ZC3H7B: variants seen among roughly 807,000 people sequenced by gnomAD.
ZC3H7B encodes zinc finger CCCH domain-containing protein 7B.
A neutral mutation model predicts 116.0 loss-of-function variants in ZC3H7B; 35 were observed. That is an observed-to-expected ratio of 0.30 (90% CI 0.23 to 0.40). ZC3H7B has a LOEUF of 0.40. Ranked by LOEUF, ZC3H7B falls within the 10% of genes least tolerant of loss-of-function variation. ZC3H7B has a pLI of 1.00. For synonymous variants in ZC3H7B, 502 were observed against 545.6 expected (o/e 0.92, Z 1.11); for missense variants, 1,011 against 1,321.5 (o/e 0.77, Z 3.64).
rs2036333117 is a variant in ZC3H7B, at chr22:41,327,418, C to T, written c.444+54C>T. On this transcript the variant is annotated intron_variant, in intron 5 of 22. Coordinates refer to ENST00000352645, the MANE Select transcript of ZC3H7B (RefSeq NM_017590.6). The surrounding 1 kb of genome is among the most constrained non-coding windows in gnomAD (Gnocchi z 4.5). ...GCCTGCTCAGAGGCCAGGCTTCTGACCTTCCGGCCCTCACTTGGGCCCAGC... is the reference window on the plus strand; with the variant it reads ...GCCTGCTCAGAGGCCAGGCTTCTGATCTTCCGGCCCTCACTTGGGCCCAGC... 1 of 1,582,328 alleles carries T rather than the reference C, an allele frequency of 6.3e-7. No homozygotes were observed. Among genetic ancestry groups the T allele is most frequent in the Non-Finnish European group, 8.6e-7 (1 of 1,168,394 alleles).
intron 1 of ZC3H7B, among the ~76,000 whole-genome samples, chr22:41,318,432 G>A (rs1345708136): frequency 6.6e-6 from 1 of 151,516 alleles, no homozygotes; most frequent in Non-Finnish European, 1.5e-5. Context: ...GGGAGGCTGA[G>A]GCAGGAGAAT....
Position 41,340,138 on chromosome 22 carries a change from G to A in ZC3H7B, c.1138+1G>A. On this transcript the variant is annotated splice_donor_variant, in intron 10 of 22. Transcript: ENST00000352645. LOFTEE classifies it high-confidence loss of function. ...CTGGACAAACCTGACTCCTTCATGG[G>A]TAAGGCCATGGGTGGGCCCGTTCAA... The A allele has an allele frequency of 6.3e-7, 1 of 1,597,710 alleles. No homozygotes were observed. The highest frequency in any genetic ancestry group is 8.5e-7 in the Non-Finnish European group (1 of 1,171,256).
chr22:41,306,795 A>G (rs1362443603), intron 1 of ZC3H7B, among the ~76,000 whole-genome samples: 1 of 152,138 alleles, frequency 6.6e-6, no homozygotes, highest in African/African-American at 2.4e-5. Context: ...GAGCCAACCC[A>G]GGATGTCTGG....
chr22:41,312,159 A>G (rs1246152515), intron 1 of ZC3H7B, among the ~76,000 whole-genome samples: 1 of 147,568 alleles, frequency 6.8e-6, no homozygotes, highest in Non-Finnish European at 1.5e-5. Flanking sequence ...TCCGTCTCAA[A>G]AAAAAAAAAA....
chr22:41,321,504 C>T (rs1342957293), intron 2 of ZC3H7B, among the ~76,000 whole-genome samples: 2 of 151,622 alleles, frequency 1.3e-5, no homozygotes, highest in African/African-American at 4.8e-5. Flanking sequence ...CGTGAGCCAC[C>T]GCACTAGGCC....
chr22:41,320,204 GCTC>G (rs1013355516), intron 1 of ZC3H7B, among the ~76,000 whole-genome samples: 2 of 150,666 alleles, frequency 1.3e-5, no homozygotes, highest in Non-Finnish European at 3.0e-5. Flanking sequence ...ATGATGGTGG[GCTC>G]CTGTAATCCC....
At chr22:41,331,223 T>G (rs1326859100) in intron 6 of ZC3H7B, among the ~76,000 whole-genome samples, 1 of 144,768 alleles carries the variant, frequency 6.9e-6, no homozygotes, top group Non-Finnish European at 1.5e-5. Context: ...CACTCCAGCC[T>G]GGGCAACGAG....
chr22:41,355,513 G>A lies in ZC3H7B; in HGVS notation c.2079G>A (p.Met693Ile). Residue 693 changes from methionine to isoleucine, a missense_variant, in exon 18 of 23, where the codon ATG becomes ATA. Physicochemically the swap from Met to Ile is conservative, Grantham distance 10. Around this residue, in one of 5 missense-constraint regions of ZC3H7B, gnomAD observed 406 missense variants for 590.2 expected, o/e 0.69. Transcript: ENST00000352645. Reference protein sequence around the residue: ...THGPSTFDLQMKFVCGQCWRN... With the variant: ...THGPSTFDLQIKFVCGQCWRN... ...GGCCCAGCACCTTTGACCTGCAGAT[G>A]AAGTTTGTATGTGGCCAGTGCTGGA... The A allele has an allele frequency of 3.7e-6, 6 of 1,614,182 alleles. No homozygotes were observed. The highest frequency in any genetic ancestry group is 5.1e-6 in the Non-Finnish European group (6 of 1,180,026).
intron 2 of ZC3H7B, among the ~76,000 whole-genome samples, chr22:41,321,227 T>G (rs1413695645): frequency 6.6e-6 from 1 of 151,306 alleles, no homozygotes; most frequent in Non-Finnish European, 1.5e-5. Context: ...TTTTTTTTTT[T>G]TTTTTTGAGA....
rs1047708284 is a variant in ZC3H7B at position 41,351,003 on chromosome 22, C to T, written c.1949-558C>T. On this transcript the variant is annotated intron_variant, in intron 16 of 22. Coordinates refer to ENST00000352645, the MANE Select transcript of ZC3H7B (RefSeq NM_017590.6). The surrounding 1 kb of genome is among the most constrained non-coding windows in gnomAD (Gnocchi z 5.1). ...GAGTTGTGAGCTGGATCTCCAAGGT[C>T]GGGCTCAGTGGCAACAGTCTGAGGC... 6.6e-6 allele frequency among the ~76,000 whole-genome samples: 1 copy of T among 152,186 alleles called. No homozygotes were observed. Among genetic ancestry groups the T allele is most frequent in the African/African-American group, 2.4e-5 (1 of 41,450 alleles).
intron 14 of ZC3H7B, 37 bp from the exon 15 acceptor site, chr22:41,348,030 G>T (rs1164901932): frequency 6.3e-7 from 1 of 1,590,008 alleles, no homozygotes; most frequent in Admixed American, 1.7e-5. Context: ...TTCCCAGGTG[G>T]CCATGCCAGG....
chr22:41,348,418 T>A (rs2036615870), intron 15 of ZC3H7B, among the ~76,000 whole-genome samples: 1 of 152,254 alleles, frequency 6.6e-6, no homozygotes. Flanking sequence ...GAGGAGTTAC[T>A]GGCCCTGTTG....
At chr22:41,325,531 T>C in intron 2 of ZC3H7B, 33 bp from the exon 3 acceptor site, 1 of 1,600,390 alleles carries the variant, frequency 6.2e-7, no homozygotes, top group Non-Finnish European at 8.5e-7. Flanking sequence ...ACCGCCGGGC[T>C]CACCCAGGCC....
Position 41,349,127 on chromosome 22 carries a change from G to T in ZC3H7B, c.1774G>T (p.Val592Leu). ...KHSFYNNKCL[V>L]HIVRSTSLKY... ...TGCCTGCCCGCCCGCCAGGTGCCTG[G>T]TGCACATCGTCCGCTCCACCTCCCT... The change falls in exon 16 of 23, where the codon GTG becomes TTG. Residue 592 changes from valine (V) to leucine (L), a missense_variant. By Grantham distance (32) the Val-to-Leu change is conservative. Around this residue, in one of 5 missense-constraint regions of ZC3H7B, gnomAD observed 406 missense variants for 590.2 expected, o/e 0.69. Coordinates refer to ENST00000352645, the MANE Select transcript of ZC3H7B (RefSeq NM_017590.6). This position sits in a 1 kb window ranked among gnomAD's most constrained non-coding sequence, Gnocchi z 4.9. 6.2e-7 allele frequency: 1 copy of T among 1,613,578 alleles called. No individual in the cohort carries two copies. The highest frequency in any genetic ancestry group is 1.1e-5 in the South Asian group (1 of 91,082).
chr22:41,302,900 G>A lies in ZC3H7B; in HGVS notation c.-7+1128G>A, dbSNP rs1055128076. ...TGGTGATCAGCGGTTTTATTTCTCG[G>A]GTTGCTAGCTTTGGCATCAGACTTT... On this transcript the variant is annotated intron_variant, in intron 1 of 22. Transcript: ENST00000352645. The surrounding 1 kb of genome is among the most constrained non-coding windows in gnomAD (Gnocchi z 5.7). Among the ~76,000 whole-genome samples, 1 of 152,166 alleles carries A rather than the reference G, an allele frequency of 6.6e-6. No individual in the cohort carries two copies. Among genetic ancestry groups the A allele is most frequent in the Non-Finnish European group, 1.5e-5 (1 of 68,030 alleles).
chr22:41,354,926 C>T (rs977873665), intron 17 of ZC3H7B, among the ~76,000 whole-genome samples: 45 of 152,164 alleles, frequency 3.0e-4, no homozygotes, highest in Middle Eastern at 3.2e-3. Flanking sequence ...CTACCCCTGC[C>T]GGGGTGGCTT....
At chr22:41,353,508 G>T (rs1309372333) in intron 17 of ZC3H7B, among the ~76,000 whole-genome samples, 1 of 152,240 alleles carries the variant, frequency 6.6e-6, no homozygotes, top group Non-Finnish European at 1.5e-5. Flanking sequence ...GTAGATGACA[G>T]TGGAGGACCC....
chr22:41,358,810 A>C lies in ZC3H7B; in HGVS notation c.*1381A>C, dbSNP rs1020916167. 2 of 154,644 alleles carry C rather than the reference A, an allele frequency of 1.3e-5. No individual in the cohort carries two copies. Among genetic ancestry groups the C allele is most frequent in the Admixed American group, 1.3e-4 (2 of 15,254 alleles). The allele number at this position is 154,644 out of a possible 1,614,324, so 9.6% of individuals were successfully genotyped here. On this transcript the variant is annotated 3_prime_UTR_variant, in exon 23 of 23. Coordinates refer to ENST00000352645, the MANE Select transcript of ZC3H7B (RefSeq NM_017590.6). ...CACCCTACCTTCCATCAACCAGGGC[A>C]GATCCACCGTGCCCTGGTTCCCCAG...
intron 13 of ZC3H7B, among the ~76,000 whole-genome samples, chr22:41,345,194 C>G (rs955501098): frequency 2.0e-5 from 3 of 152,180 alleles, no homozygotes; most frequent in Non-Finnish European, 2.9e-5. Flanking sequence ...AGCTGAGGCT[C>G]GGGGAGTAAT....
Sources: allele counts gnomAD v4.1 joint callset (sites outside exome capture counted in the v4.1 genomes callset), GRCh38; gene constraint gnomAD v4.1.1; regional missense constraint gnomAD v4.1.1; non-coding constraint Gnocchi (gnomAD v3.1); transcripts MANE v1.5; gene names NCBI Gene and HGNC (gene_info 2026-07-23, HGNC 2026-07-21).